The following SGCZ variants were observed in gnomAD, a reference collection of about 807,000 sequenced individuals.
SGCZ encodes zeta-sarcoglycan.
SGCZ carries 40 observed loss-of-function variants against 41.3 expected under a neutral mutation model. That is an observed-to-expected ratio of 0.97 (90% confidence interval 0.75 to 1.26). The LOEUF (loss-of-function observed/expected upper bound fraction) is 1.26, where lower values mean the gene tolerates loss of function less well. Among genes scored for constraint, SGCZ ranks in the 50% most tolerant of loss-of-function variants. The pLI, the probability that SGCZ is intolerant of heterozygous loss-of-function variation, is 0.00. For missense variants in SGCZ, 552 were observed against 369.8 expected, an observed-to-expected ratio of 1.49 and a Z score of -4.04; for synonymous variants, 206 against 137.5, an observed-to-expected ratio of 1.50 and a Z score of -3.49.
chr8:14,438,553 C>A (rs1332964667), intron 2 of SGCZ, among the ~76,000 whole-genome samples: 2 of 151,408 alleles, frequency 1.3e-5, no homozygotes, highest in Non-Finnish European at 3.0e-5. Flanking sequence ...GAGTCAAACA[C>A]CATGAAAAAG....
intron 1 of SGCZ, among the ~76,000 whole-genome samples, chr8:14,848,727 G>A (rs971429012): frequency 5.9e-5 from 9 of 152,052 alleles, no homozygotes; most frequent in African/African-American, 2.2e-4. Flanking sequence ...AAATCCTAAA[G>A]CAATAAAAAT....
At chr8:14,727,575 A>G (rs1189822141) in intron 1 of SGCZ, among the ~76,000 whole-genome samples, 2 of 151,094 alleles carry the variant, frequency 1.3e-5, no homozygotes, top group Admixed American at 6.6e-5. Flanking sequence ...CAGTGGCCAG[A>G]TCTGAGCTCA....
chr8:14,833,641 T>C (rs551156216), intron 1 of SGCZ, among the ~76,000 whole-genome samples: 1 of 152,066 alleles, frequency 6.6e-6, no homozygotes, highest in African/African-American at 2.4e-5. Flanking sequence ...AAAAGGTGAA[T>C]GTGCTTGCAG....
chr8:14,808,508 T>G (rs1341486550), intron 1 of SGCZ, among the ~76,000 whole-genome samples: 1 of 151,980 alleles, frequency 6.6e-6, no homozygotes. Context: ...ATCAGAGAAA[T>G]GCAAATCAAA....
chr8:14,317,544 G>T (rs961754374), intron 3 of SGCZ, among the ~76,000 whole-genome samples: 9 of 151,834 alleles, frequency 5.9e-5, no homozygotes, highest in Admixed American at 2.0e-4. Flanking sequence ...AAGCACAGGG[G>T]TCTATGACAA....
At chr8:14,809,140 T>C (rs1801659624) in intron 1 of SGCZ, among the ~76,000 whole-genome samples, 1 of 151,826 alleles carries the variant, frequency 6.6e-6, no homozygotes, top group Non-Finnish European at 1.5e-5. Context: ...AGATGACAAG[T>C]TAGTGGGTGT....
At chr8:14,360,621 TG>T (rs1462811541) in intron 2 of SGCZ, among the ~76,000 whole-genome samples, 1 of 149,398 alleles carries the variant, frequency 6.7e-6, no homozygotes, top group Non-Finnish European at 1.5e-5. Context: ...TCACCGCGCC[TG>T]GCTGTTTATT....
Position 14,814,587 on chromosome 8 carries a change from A to C in SGCZ, c.40-259661T>G, listed in dbSNP as rs563203206. Among the ~76,000 whole-genome samples the C allele has an allele frequency of 9.9e-5, 15 of 152,240 alleles. 1 individual carries two copies. The South Asian group carries it at 3.1e-3, about 32-fold the overall frequency. On this transcript the variant is annotated intron_variant, in intron 1 of 7. Transcript: ENST00000382080. ...TAATTGACCTTCTATCTATCTTGTT[A>C]TTTGGCCCTACTTAAGTATAGGATT... is the stretch of plus-strand genomic sequence containing the variant.
chr8:15,092,738 ATAT>A (rs1806199306), intron 1 of SGCZ, among the ~76,000 whole-genome samples: 1 of 152,208 alleles, frequency 6.6e-6, no homozygotes, highest in Admixed American at 6.5e-5. Context: ...TCTTATTTTA[ATAT>A]CTCTCTATTA....
intron 1 of SGCZ, among the ~76,000 whole-genome samples, chr8:14,917,922 C>A (rs950332019): frequency 6.6e-6 from 1 of 152,082 alleles, no homozygotes; most frequent in African/African-American, 2.4e-5. Flanking sequence ...TATATTACAT[C>A]ATGTTACCCT....
intron 1 of SGCZ, among the ~76,000 whole-genome samples, chr8:14,946,338 C>T (rs1327035315): frequency 1.3e-5 from 2 of 151,478 alleles, no homozygotes; most frequent in East Asian, 2.0e-4. Flanking sequence ...GGAGTGGCCA[C>T]GTATACTCCT....
At position 14,554,552 on chromosome 8, in the gene SGCZ, G is replaced by A. The variant is rs80131880; in HGVS notation, c.234+180C>T. Among the ~76,000 whole-genome samples the A allele has an allele frequency of 1.7e-4, 26 of 152,074 alleles. No homozygotes were observed. The East Asian group carries it at 5.0e-3, about 30-fold the overall frequency. On this transcript the variant is annotated intron_variant, in intron 2 of 7. Coordinates refer to ENST00000382080, the MANE Select transcript of SGCZ (RefSeq NM_139167.4). ...TAAATGGCAGGTAGTAATAGCATACGTGTGTCAGGACTGAACCTACTGAAT... is the reference window on the plus strand; with the variant it reads ...TAAATGGCAGGTAGTAATAGCATACATGTGTCAGGACTGAACCTACTGAAT...
chr8:15,096,726 T>G (rs572437483), intron 1 of SGCZ, among the ~76,000 whole-genome samples: 205 of 152,114 alleles, frequency 1.3e-3, no homozygotes, highest in African/African-American at 4.7e-3. Flanking sequence ...TCGCTCTGTC[T>G]CCAGGCTGGA....
At chr8:15,215,436 T>G (rs545367151) in intron 1 of SGCZ, among the ~76,000 whole-genome samples, 1 of 152,338 alleles carries the variant, frequency 6.6e-6, no homozygotes, top group African/African-American at 2.4e-5. Context: ...ACTGTTTTAC[T>G]TCCTTCGGGG....
chr8:14,745,643 A>G (rs1273968865), intron 1 of SGCZ, among the ~76,000 whole-genome samples: 1 of 152,020 alleles, frequency 6.6e-6, no homozygotes, highest in African/African-American at 2.4e-5. Context: ...ATATACACAC[A>G]CACATATATA....
At chr8:14,826,265 T>A (rs778796154) in intron 1 of SGCZ, among the ~76,000 whole-genome samples, 3 of 152,160 alleles carry the variant, frequency 2.0e-5, no homozygotes, top group Non-Finnish European at 2.9e-5. Flanking sequence ...ATATGAACTC[T>A]TCATTTTTTA....
intron 1 of SGCZ, among the ~76,000 whole-genome samples, chr8:14,688,377 T>C (rs1808687136): frequency 6.6e-6 from 1 of 152,144 alleles, no homozygotes; most frequent in Non-Finnish European, 1.5e-5. Flanking sequence ...TTGTAGAAGG[T>C]GTAAGGAAGG....
intron 1 of SGCZ, among the ~76,000 whole-genome samples, chr8:15,168,224 G>A (rs543263489): frequency 1.5e-4 from 23 of 152,262 alleles, no homozygotes; most frequent in African/African-American, 5.3e-4. Flanking sequence ...AAGGAAAACT[G>A]GGTCTAAGGG....
intron 1 of SGCZ, among the ~76,000 whole-genome samples, chr8:14,850,095 A>G (rs2130650941): frequency 6.6e-6 from 1 of 152,292 alleles, no homozygotes; most frequent in East Asian, 1.9e-4. Flanking sequence ...TTATGACCAA[A>G]GAAAAAAATT....
Sources: allele counts gnomAD v4.1 joint callset (sites outside exome capture counted in the v4.1 genomes callset), GRCh38; gene constraint gnomAD v4.1.1; transcripts MANE v1.5; gene names NCBI Gene and HGNC (gene_info 2026-07-23, HGNC 2026-07-21).